Variants in SLC2A9 observed in about 807,000 individuals in gnomAD.
SLC2A9 encodes solute carrier family 2, facilitated glucose transporter member 9.
SLC2A9 carries 39 observed loss-of-function variants against 50.6 expected under a neutral mutation model. The ratio of observed to expected loss-of-function variants is 0.77; its 90% CI spans 0.60 to 1.01. SLC2A9 has a LOEUF of 1.01. Ranked by LOEUF, SLC2A9 falls within the 50% of genes least tolerant of loss-of-function variation. The pLI is 0.00. For missense variants in SLC2A9, 686 were observed against 677.6 expected (o/e 1.01, Z -0.14); for synonymous variants, 324 against 276.9 (o/e 1.17, Z -1.69).
chr4:10,001,649 T>C (rs1051574221), intron 2 of SLC2A9, among the ~76,000 whole-genome samples: 2 of 152,226 alleles, frequency 1.3e-5, no homozygotes, highest in African/African-American at 4.8e-5. Flanking sequence ...TCACTGGGGC[T>C]ACCAGGACAC....
chr4:9,942,646 A>T (rs1748385054), intron 5 of SLC2A9, among the ~76,000 whole-genome samples: 1 of 152,240 alleles, frequency 6.6e-6, no homozygotes, highest in Admixed American at 6.5e-5. Context: ...AAAGGCAAAC[A>T]GATCCCTACG....
chr4:9,793,483 G>T (rs933015280), intron 3 of SLC2A9, among the ~76,000 whole-genome samples: 4 of 152,194 alleles, frequency 2.6e-5, no homozygotes, highest in African/African-American at 9.6e-5. Flanking sequence ...CCACATAAAA[G>T]AAGTTGATGA....
chr4:10,037,623 A>G (rs1764148719), intron 1 of SLC2A9, among the ~76,000 whole-genome samples: 2 of 152,202 alleles, frequency 1.3e-5, no homozygotes, highest in South Asian at 4.1e-4. Flanking sequence ...AAAAAAACCT[A>G]ACTTTATCAC....
intron 4 of SLC2A9, among the ~76,000 whole-genome samples, chr4:9,982,554 G>A (rs1018059171): frequency 4.6e-5 from 7 of 152,132 alleles, no homozygotes; most frequent in Admixed American, 2.6e-4. Flanking sequence ...TTATATGTTC[G>A]AAGGGTCAAC....
In SLC2A9 at chr4:10,019,189, T is replaced by G. The variant is rs1763182958; in HGVS notation, c.151-116A>C. ...CCTTCCGGAGGAGAAGTCTTTGTCC[T>G]TGGCTGGGGTAGAGACAGAGAGAAG... is the stretch of plus-strand genomic sequence containing the variant. On this transcript the variant is annotated intron_variant, in intron 1 of 11. Coordinates refer to ENST00000264784, the MANE Select transcript of SLC2A9 (RefSeq NM_020041.3). 30 of 836,338 alleles carry G rather than the reference T, an allele frequency of 3.6e-5. 1 individual carries two copies. The South Asian group carries it at 4.2e-4, about 12-fold the overall frequency. 51.8% of individuals were successfully genotyped at this position (836,338 alleles called of 1,614,324 possible).
chr4:9,798,221 G>T (rs1720834024), downstream of SLC2A9, among the ~76,000 whole-genome samples: 1 of 152,168 alleles, frequency 6.6e-6, no homozygotes, highest in South Asian at 2.1e-4. Context: ...GAATGCCATT[G>T]TCTTATCTTC....
chr4:9,989,110 G>A lies in SLC2A9; in HGVS notation c.411-3317C>T, dbSNP rs146885707. Among the ~76,000 whole-genome samples the A allele has an allele frequency of 3.8e-3, 583 of 152,198 alleles. 7 individuals are homozygous for A. Among genetic ancestry groups the A allele is most frequent in the African/African-American group, 0.013 (546 of 41,508 alleles). On this transcript the variant is annotated intron_variant, in intron 3 of 11. Coordinates refer to ENST00000264784, the MANE Select transcript of SLC2A9 (RefSeq NM_020041.3). ...TGTTTCCACATCCCTCACCCTCCTC[G>A]TGTTCATCCGTTCCTGCATACCCAG...
intron 3 of SLC2A9, among the ~76,000 whole-genome samples, chr4:9,991,238 C>G (rs62296002): frequency 6.6e-6 from 1 of 152,194 alleles, no homozygotes; most frequent in Non-Finnish European, 1.5e-5. Context: ...AGAGCCCTTC[C>G]TCCACAAGCC....
intron 6 of SLC2A9, among the ~76,000 whole-genome samples, chr4:9,927,680 G>A (rs184486991): frequency 2.0e-5 from 3 of 152,300 alleles, no homozygotes; most frequent in Admixed American, 1.3e-4. Flanking sequence ...TTTTATTACC[G>A]ACAGCAGTTG....
At chr4:9,817,882 G>A (rs557600138) in intron 3 of SLC2A9, among the ~76,000 whole-genome samples, 2 of 152,296 alleles carry the variant, frequency 1.3e-5, no homozygotes, top group Non-Finnish European at 1.5e-5. Context: ...GGCCAAGCTC[G>A]ACCAATCACT....
chr4:9,799,400 A>G lies in SLC2A9; in HGVS notation n.421-159T>C, dbSNP rs779346290. ...AGGGCTTGCTCTCTGCTTTAAGATGATGCCTTCTTGCTATGTCCTCATGTG... is the reference window on the plus strand; with the variant it reads ...AGGGCTTGCTCTCTGCTTTAAGATGGTGCCTTCTTGCTATGTCCTCATGTG... On this transcript the variant is annotated intron_variant and non_coding_transcript_variant, in intron 3 of 3. Transcript: ENST00000503280. Among the ~76,000 whole-genome samples, 148 of 152,078 alleles carry G rather than the reference A, an allele frequency of 9.7e-4. 3 individuals carry two copies. The highest frequency in any genetic ancestry group is 2.6e-4 in the Non-Finnish European group (18 of 68,020).
chr4:9,929,375 G>A (rs760201529), intron 6 of SLC2A9, among the ~76,000 whole-genome samples: 37 of 152,314 alleles, frequency 2.4e-4, no homozygotes, highest in African/African-American at 6.3e-4. Context: ...TCAGTTCTGC[G>A]GGGCTTCTGA....
chr4:9,995,377 C>T (rs1265424228), intron 3 of SLC2A9, among the ~76,000 whole-genome samples: 1 of 152,210 alleles, frequency 6.6e-6, no homozygotes, highest in South Asian at 2.1e-4. Flanking sequence ...ATAAGCACCA[C>T]TTGGATGTTT....
At chr4:9,804,981 G>C (rs1721932041) in intron 3 of SLC2A9, among the ~76,000 whole-genome samples, 1 of 152,196 alleles carries the variant, frequency 6.6e-6, no homozygotes, top group Non-Finnish European at 1.5e-5. Flanking sequence ...GGGACAAAAA[G>C]AGGAGATGAT....
At chr4:10,021,156 C>G in intron 1 of SLC2A9, 124 bp downstream of exon 1, 1 of 1,054,548 alleles carries the variant, frequency 9.5e-7, no homozygotes, top group South Asian at 1.3e-5. Context: ...GCCTCCCTGC[C>G]TCAAAGCCCC....
At chr4:9,994,564 CTT>C (rs35574155) in intron 3 of SLC2A9, among the ~76,000 whole-genome samples, 32,149 of 131,778 alleles carry the variant, frequency 0.24, 3,192 homozygotes, top group South Asian at 0.43. Flanking sequence ...TTTCCTTTTC[CTT>C]TTTTTTTTTT....
At chr4:9,782,832 A>G (rs1181705503) in intron 3 of SLC2A9, 1 of 1,613,176 alleles carries the variant, frequency 6.2e-7, no homozygotes, top group East Asian at 2.2e-5. Flanking sequence ...GCCGCAGAGC[A>G]CGCGCAGAGC....
chr4:9,974,701 A>C (rs932576480), intron 5 of SLC2A9, among the ~76,000 whole-genome samples: 2 of 152,158 alleles, frequency 1.3e-5, no homozygotes, highest in African/African-American at 4.8e-5. Context: ...CAGATTCAAC[A>C]CTATTTCTAT....
chr4:9,831,991 G>T (rs758499038), intron 11 of SLC2A9, among the ~76,000 whole-genome samples: 7 of 152,222 alleles, frequency 4.6e-5, no homozygotes, highest in Non-Finnish European at 1.0e-4. Flanking sequence ...GGCCTCAGAA[G>T]AAATCAACCG....
Sources: allele counts gnomAD v4.1 joint callset (sites outside exome capture counted in the v4.1 genomes callset), GRCh38; gene constraint gnomAD v4.1.1; transcripts MANE v1.5; gene names NCBI Gene and HGNC (gene_info 2026-07-23, HGNC 2026-07-21).